CCDC70: variants seen among roughly 807,000 people sequenced by gnomAD.
The protein encoded by CCDC70 is coiled-coil domain-containing protein 70.
Under a neutral mutation model 9.1 loss-of-function variants are expected in CCDC70, and 4 were observed. The ratio of observed to expected loss-of-function variants is 0.44; its 90% CI spans 0.22 to 1.00. The LOEUF (loss-of-function observed/expected upper bound fraction) is 1.00. Ranked by LOEUF, CCDC70 falls within the 50% of genes least tolerant of loss-of-function variation. CCDC70 has a pLI of 0.25. For missense variants in CCDC70, 308 were observed against 271.3 expected (o/e 1.14, Z -0.95); for synonymous variants, 119 against 94.0 (o/e 1.27, Z -1.54).
chr13:51,866,093 T>C lies in CCDC70; in HGVS notation c.*13T>C. 1 of 1,549,904 alleles carries C rather than the reference T, an allele frequency of 6.5e-7. No individual in the cohort carries two copies. Among genetic ancestry groups the C allele is most frequent in the Non-Finnish European group, 8.7e-7 (1 of 1,151,270 alleles). ...AGGCAGGGCGTAGCCAGCATGCAGG[T>C]GCAGGGCCCTGTGGTCCAGACTCCC... On this transcript the variant is annotated 3_prime_UTR_variant, in exon 2 of 2. Transcript: ENST00000242819.
At position 51,865,747 on chromosome 13, in the gene CCDC70, A is replaced by G; in HGVS notation, c.336A>G (p.Lys112=). Residue 112 remains lysine, a synonymous_variant, in exon 2 of 2, where the codon AAA becomes AAG. Coordinates refer to ENST00000242819, the MANE Select transcript of CCDC70 (RefSeq NM_031290.4). ...GGGAGGAAGAGAAAACTTTCTGGAA[A>G]AAGTACCGCACTTTCTGGAAGGAGG... ...SFREEEKTFW[K]KYRTFWKEDK... is the part of the protein sequence containing the mutation. 1 of 1,614,154 alleles carries G rather than the reference A, an allele frequency of 6.2e-7. No homozygotes were observed. Among genetic ancestry groups the G allele is most frequent in the Non-Finnish European group, 8.5e-7 (1 of 1,180,014 alleles).
In CCDC70 at chr13:51,862,152, CTG is replaced by C. The variant is rs1566368846; in HGVS notation, c.-157_-156del. Reference sequence around the variant, plus strand: ...GGGGCAAGCCTGCAAGCACGCATCACTGGGGATCTGACATGACAATGGCCGCC... The same window carrying C: ...GGGGCAAGCCTGCAAGCACGCATCACGGGATCTGACATGACAATGGCCGCC... On this transcript the variant is annotated 5_prime_UTR_variant, in exon 1 of 2. Transcript: ENST00000242819. The C allele has an allele frequency of 6.6e-6, 1 of 152,404 alleles. No individual in the cohort carries two copies. Among genetic ancestry groups the C allele is most frequent in the East Asian group, 1.9e-4 (1 of 5,190 alleles). 9.4% of individuals were successfully genotyped at this position (152,404 alleles called of 1,614,324 possible).
In CCDC70 at chr13:51,862,056, C is replaced by G. The variant is rs552781190; in HGVS notation, c.-254C>G. 7.2e-5 allele frequency: 11 copies of G among 152,210 alleles called. No homozygotes were observed. The highest frequency in any genetic ancestry group is 1.3e-4 in the Non-Finnish European group (9 of 68,056). 9.4% of individuals were successfully genotyped at this position (152,210 alleles called of 1,614,324 possible). ...TTTCCTTAAAGTCTTTTATAGGGGT[C>G]CCCTTCTTGGCCATCTCCATCCTGT... On this transcript the variant is annotated 5_prime_UTR_variant, in exon 1 of 2. Coordinates refer to ENST00000242819, the MANE Select transcript of CCDC70 (RefSeq NM_031290.4).
Position 51,866,009 on chromosome 13 carries a change from A to G in CCDC70, c.598A>G (p.Met200Val), listed in dbSNP as rs141350857. 7.4e-6 allele frequency: 12 copies of G among 1,611,920 alleles called. No individual in the cohort carries two copies. The African/African-American group carries it at 1.2e-4, about 16-fold the overall frequency. Reference sequence around the variant, plus strand: ...CAATGGCCACATTGCCGGAGAGCAGATGCTCGAAGATGGGCCCCACAACGC... The same window carrying G: ...CAATGGCCACATTGCCGGAGAGCAGGTGCTCGAAGATGGGCCCCACAACGC... ...ENNGHIAGEQMLEDGPHNANR... is the reference protein window; with the variant it reads ...ENNGHIAGEQVLEDGPHNANR... The change falls in exon 2 of 2, where the codon ATG becomes GTG. Residue 200 changes from methionine to valine, a missense_variant. By Grantham distance (21) the Met-to-Val change is conservative. Transcript: ENST00000242819.
At chr13:51,865,290 C>A in intron 1 of CCDC70, 42 bp from the exon 2 acceptor site, 1 of 1,054,022 alleles carries the variant, frequency 9.5e-7, no homozygotes, top group Non-Finnish European at 1.4e-6. Context: ...CGTCCCCTGG[C>A]ATGTGATACT....
In CCDC70 at chr13:51,865,312, C is replaced by T; in HGVS notation, c.-80-20C>T. On this transcript the variant is annotated intron_variant, in intron 1 of 1. Transcript: ENST00000242819. ...TGGCATGTGATACTCATAGATCTGT[C>T]TTTTCTGCTGCCCCCACAGGGTCTG... is the stretch of plus-strand genomic sequence containing the variant. The T allele has an allele frequency of 7.3e-7, 1 of 1,364,230 alleles. No individual in the cohort carries two copies. Among genetic ancestry groups the T allele is most frequent in the East Asian group, 2.3e-5 (1 of 43,478 alleles). The allele number at this position is 1,364,230 out of a possible 1,614,324, so 84.5% of individuals were successfully genotyped here.
chr13:51,864,048 G>T (rs28429889), intron 1 of CCDC70, among the ~76,000 whole-genome samples: 16,601 of 152,000 alleles, frequency 0.11, 2,573 homozygotes, highest in African/African-American at 0.35. Flanking sequence ...CAGATATATG[G>T]CAATGTTTGA....
chr13:51,866,001 G>A lies in CCDC70; in HGVS notation c.590G>A (p.Gly197Glu), dbSNP rs1433776754. Residue 197 changes from glycine to glutamate, a missense_variant, in exon 2 of 2, where the codon GGA becomes GAA. Transcript: ENST00000242819. ...FWMENNGHIAGEQMLEDGPHN... is the reference protein window; with the variant it reads ...FWMENNGHIAEEQMLEDGPHN... ...ATGGAGAACAATGGCCACATTGCCG[G>A]AGAGCAGATGCTCGAAGATGGGCCC... is the stretch of plus-strand genomic sequence containing the variant. The A allele has an allele frequency of 1.2e-6, 2 of 1,612,988 alleles. No homozygotes were observed. Among genetic ancestry groups the A allele is most frequent in the African/African-American group, 2.7e-5 (2 of 74,968 alleles).
rs371251028 is a variant in CCDC70 at position 51,865,793 on chromosome 13, G to T, written c.382G>T (p.Asp128Tyr). The T allele has an allele frequency of 1.2e-6, 2 of 1,614,102 alleles. No individual in the cohort carries two copies. Among genetic ancestry groups the T allele is most frequent in the Non-Finnish European group, 1.7e-6 (2 of 1,180,046 alleles). Residue 128 changes from aspartate (D) to tyrosine (Y), a missense_variant, in exon 2 of 2, where the codon GAC (aspartate) becomes TAC (tyrosine). By Grantham distance (160) the Asp-to-Tyr change is radical. Transcript: ENST00000242819. ...WKEDKAFWKEDNALWERDRNL... is the reference protein window; with the variant it reads ...WKEDKAFWKEYNALWERDRNL... ...GGAGGATAAGGCCTTCTGGAAAGAG[G>T]ACAATGCCTTATGGGAAAGAGACCG...
chr13:51,862,223 C>G lies in CCDC70; in HGVS notation c.-87C>G, dbSNP rs1475385922. On this transcript the variant is annotated 5_prime_UTR_variant, in exon 1 of 2. Transcript: ENST00000242819. ...CAGGACTTACCCCAGTGGGAAGCAG[C>G]TAAGCAGTAAGTAACTGTTGGCTTT... The G allele has an allele frequency of 6.6e-6, 1 of 152,196 alleles. No homozygotes were observed. The highest frequency in any genetic ancestry group is 1.9e-4 in the East Asian group (1 of 5,196). The allele number at this position is 152,196 out of a possible 1,614,324, so 9.4% of individuals were successfully genotyped here. A position where few individuals can be genotyped will look rare whatever the true frequency, so the allele number is the denominator to read the frequency against.
rs185875003 is a variant in CCDC70 at position 51,863,044 on chromosome 13, C to T, written c.-81+815C>T. ...GGCGAGGAACTTTGTCTGGAGGGTC[C>T]GAGTAGCTTTCAGAGGGGAAAGGAT... is the stretch of plus-strand genomic sequence containing the variant. On this transcript the variant is annotated intron_variant, in intron 1 of 1. Transcript: ENST00000242819. Among the ~76,000 whole-genome samples the T allele has an allele frequency of 4.6e-5, 7 of 152,264 alleles. No homozygotes were observed. In the East Asian group the frequency reaches 5.8e-4, roughly 13 times the overall value.
chr13:51,865,570 C>T lies in CCDC70; in HGVS notation c.159C>T (p.Asp53=). The stretch of plus-strand genomic sequence containing the variant: ...AAATTTTTCGTGAAAAAATAGAGGA[C>T]TTCAGGGAAGAGATGTGGACTTTCC... ...EMKIFREKIE[D]FREEMWTFRG... The change falls in exon 2 of 2, where the codon GAC becomes GAT. Residue 53 remains aspartate, a synonymous_variant. Transcript: ENST00000242819. 6.2e-7 allele frequency: 1 copy of T among 1,614,202 alleles called. No individual in the cohort carries two copies. Among genetic ancestry groups the T allele is most frequent in the South Asian group, 1.1e-5 (1 of 91,086 alleles).
intron 1 of CCDC70, among the ~76,000 whole-genome samples, chr13:51,863,303 G>T (rs1314352598): frequency 6.6e-6 from 1 of 152,170 alleles, no homozygotes; most frequent in East Asian, 1.9e-4. Flanking sequence ...TTGATCTTTG[G>T]GCTACAGGGT....
At chr13:51,863,840 G>A (rs1342459310) in intron 1 of CCDC70, among the ~76,000 whole-genome samples, 1 of 152,160 alleles carries the variant, frequency 6.6e-6, no homozygotes, top group East Asian at 1.9e-4. Flanking sequence ...CTGAGTGAGG[G>A]CCGGACCCTG....
chr13:51,864,696 C>T (rs1318133214), intron 1 of CCDC70, among the ~76,000 whole-genome samples: 3 of 152,182 alleles, frequency 2.0e-5, no homozygotes, highest in African/African-American at 4.8e-5. Flanking sequence ...TCCTAAGTTT[C>T]CTCAGGGTTT....
chr13:51,866,024 C>T lies in CCDC70; in HGVS notation c.613C>T (p.Pro205Ser), dbSNP rs771243073. ...IAGEQMLEDG[P>S]HNANRGQRLL... Reference sequence around the variant, plus strand: ...CGGAGAGCAGATGCTCGAAGATGGGCCCCACAACGCCAACAGAGGGCAGCG... The same window carrying T: ...CGGAGAGCAGATGCTCGAAGATGGGTCCCACAACGCCAACAGAGGGCAGCG... The change falls in exon 2 of 2, where the codon CCC (proline) becomes TCC (serine). Residue 205 changes from proline to serine, a missense_variant. Pro to Ser is a moderately conservative substitution (Grantham distance 74). Transcript: ENST00000242819. 5.0e-6 allele frequency: 8 copies of T among 1,607,356 alleles called. No individual in the cohort carries two copies. The highest frequency in any genetic ancestry group is 6.8e-6 in the Non-Finnish European group (8 of 1,177,612).
intron 1 of CCDC70, among the ~76,000 whole-genome samples, 181 bp from the exon 2 acceptor site, chr13:51,865,151 G>A (rs918705044): frequency 6.6e-6 from 1 of 152,206 alleles, no homozygotes; most frequent in African/African-American, 2.4e-5. Flanking sequence ...TGTACTGACT[G>A]CCTCTCCAGC....
rs1956412712 is a variant in CCDC70, at chr13:51,865,410, A to G, written c.-2A>G. On this transcript the variant is annotated 5_prime_UTR_variant, in exon 2 of 2. Transcript: ENST00000242819. ...ACCCCGCCATTCCGGCTGATAAGGA[A>G]GATGTTTTCCTTCAAGGTGAGCAGA... The G allele has an allele frequency of 1.2e-6, 2 of 1,606,504 alleles. No homozygotes were observed. Among genetic ancestry groups the G allele is most frequent in the East Asian group, 2.2e-5 (1 of 44,796 alleles).
At chr13:51,862,721 G>T (rs189942342) in intron 1 of CCDC70, among the ~76,000 whole-genome samples, 116 of 152,282 alleles carry the variant, frequency 7.6e-4, no homozygotes, top group Middle Eastern at 3.4e-3. Context: ...GAACTGAAGT[G>T]AGGTTGGGCA....
Sources: allele counts gnomAD v4.1 joint callset (sites outside exome capture counted in the v4.1 genomes callset), GRCh38; gene constraint gnomAD v4.1.1; transcripts MANE v1.5; gene names NCBI Gene and HGNC (gene_info 2026-07-23, HGNC 2026-07-21).